Variants in PRKN observed in about 807,000 individuals in gnomAD.
The protein encoded by PRKN is parkin RBR E3 ubiquitin protein ligase.
A neutral mutation model predicts 59.5 loss-of-function variants in PRKN; 56 were observed. The observed-to-expected ratio is 0.94, with a 90% CI of 0.76 to 1.18. PRKN has a LOEUF of 1.18. Ranked by LOEUF, PRKN falls within the 50% of genes most tolerant of loss-of-function variation. PRKN has a pLI of 0.00. For synonymous variants in PRKN, 250 were observed against 222.1 expected, an observed-to-expected ratio of 1.13 and a Z score of -1.12; for missense variants, 657 against 596.4, an observed-to-expected ratio of 1.10 and a Z score of -1.06.
At chr6:161,516,511 AAAGAAGAAG>A (rs1024623750) in intron 9 of PRKN, among the ~76,000 whole-genome samples, 1 of 143,598 alleles carries the variant, frequency 7.0e-6, no homozygotes, top group Non-Finnish European at 1.5e-5. Context: ...AAGAAAGAAG[AAAGAAGAAG>A]AAGAAGAAGA....
rs9355937 is a variant in PRKN, at chr6:161,844,491, C to T, written c.735-58583G>A. On this transcript the variant is annotated intron_variant, in intron 6 of 11. Coordinates refer to ENST00000366898, the MANE Select transcript of PRKN (RefSeq NM_004562.3). ...GCTGGACGGTTGGACTTTCTGCTGT[C>T]GTGGCAATGTTCTGTATCTACTCTG... Among the ~76,000 whole-genome samples the T allele has an allele frequency of 1.8e-4, 27 of 152,130 alleles. 1 individual carries two copies. Among genetic ancestry groups the T allele is most frequent in the African/African-American group, 5.5e-4 (23 of 41,506 alleles).
intron 1 of PRKN, among the ~76,000 whole-genome samples, chr6:162,488,954 T>C (rs547769445): frequency 2.4e-4 from 37 of 152,250 alleles, no homozygotes; most frequent in African/African-American, 6.7e-4. Flanking sequence ...TCCTGAAGCC[T>C]GGGGTCTGGG....
At chr6:161,846,658 G>A (rs1406058672) in intron 6 of PRKN, among the ~76,000 whole-genome samples, 6 of 116,940 alleles carry the variant, frequency 5.1e-5, no homozygotes, top group Admixed American at 1.2e-4. Flanking sequence ...TGGTATCTGC[G>A]TGAGTGAAAA....
intron 1 of PRKN, among the ~76,000 whole-genome samples, chr6:162,529,789 A>C (rs1303659027): frequency 1.3e-5 from 2 of 152,190 alleles, no homozygotes; most frequent in Non-Finnish European, 2.9e-5. Flanking sequence ...GTTTATGGTC[A>C]AGGTTGTTTT....
At chr6:162,615,878 C>T (rs970872630) in intron 1 of PRKN, among the ~76,000 whole-genome samples, 2 of 152,226 alleles carry the variant, frequency 1.3e-5, no homozygotes, top group Non-Finnish European at 2.9e-5. Context: ...TTCAGAAGGA[C>T]TTACTGATCA....
At chr6:162,451,625 A>C (rs1310144118) in intron 1 of PRKN, among the ~76,000 whole-genome samples, 2 of 152,100 alleles carry the variant, frequency 1.3e-5, no homozygotes, top group African/African-American at 4.8e-5. Flanking sequence ...CTAAAACTAC[A>C]ATTGCCTGGA....
chr6:161,886,744 A>AACATAAC (rs1253753552), intron 6 of PRKN, among the ~76,000 whole-genome samples: 1 of 117,990 alleles, frequency 8.5e-6, no homozygotes, highest in Non-Finnish European at 1.8e-5. Context: ...AAAATAAAAT[A>AACATAAC]ATAAAATAAA....
intron 1 of PRKN, among the ~76,000 whole-genome samples, chr6:162,726,861 A>G (rs974681384): frequency 2.0e-5 from 3 of 152,202 alleles, no homozygotes; most frequent in Non-Finnish European, 4.4e-5. Context: ...ATTAATTTTC[A>G]GGGATAGCCC....
At chr6:161,773,529 A>G (rs1334373065) in intron 7 of PRKN, among the ~76,000 whole-genome samples, 2 of 137,472 alleles carry the variant, frequency 1.5e-5, no homozygotes, top group Admixed American at 1.4e-4. Context: ...CACACTACAC[A>G]AACACACACT....
chr6:162,197,025 A>G (rs961082080), intron 4 of PRKN, among the ~76,000 whole-genome samples: 8 of 152,192 alleles, frequency 5.3e-5, no homozygotes, highest in African/African-American at 1.7e-4. Flanking sequence ...TTTCCTCCTT[A>G]GGTATAAAAA....
At chr6:161,778,427 C>T (rs926440837) in intron 7 of PRKN, among the ~76,000 whole-genome samples, 1 of 152,088 alleles carries the variant, frequency 6.6e-6, no homozygotes, top group Non-Finnish European at 1.5e-5. Context: ...TGAAAGGAAC[C>T]GATGGCTTTA....
At chr6:162,519,207 G>A (rs1777987295) in intron 1 of PRKN, among the ~76,000 whole-genome samples, 1 of 152,140 alleles carries the variant, frequency 6.6e-6, no homozygotes, top group Admixed American at 6.6e-5. Flanking sequence ...GGCAATAAGG[G>A]AGGGTCAGTA....
chr6:162,024,869 A>T (rs1332201085), intron 5 of PRKN, among the ~76,000 whole-genome samples: 1 of 152,212 alleles, frequency 6.6e-6, no homozygotes. Context: ...TCTCAAAAAT[A>T]AGTCCAGTGT....
chr6:161,530,182 G>A lies in PRKN; in HGVS notation c.1083+18672C>T, dbSNP rs1294167111. ...TCACAGGTGTTCCTGGACAGCACAGGAAAGAGAACAAAGAGAACAAAAACT... is the reference window on the plus strand; with the variant it reads ...TCACAGGTGTTCCTGGACAGCACAGAAAAGAGAACAAAGAGAACAAAAACT... On this transcript the variant is annotated intron_variant, in intron 9 of 11. Coordinates refer to ENST00000366898, the MANE Select transcript of PRKN (RefSeq NM_004562.3). This position sits in a 1 kb window ranked among gnomAD's most constrained non-coding sequence, Gnocchi z 5.0. Among the ~76,000 whole-genome samples the A allele has an allele frequency of 6.6e-6, 1 of 152,156 alleles. No homozygotes were observed. Among genetic ancestry groups the A allele is most frequent in the Non-Finnish European group, 1.5e-5 (1 of 68,026 alleles).
chr6:161,748,172 G>A (rs905239048), intron 7 of PRKN, among the ~76,000 whole-genome samples: 1 of 152,120 alleles, frequency 6.6e-6, no homozygotes, highest in Non-Finnish European at 1.5e-5. Context: ...GTTTTTCTCA[G>A]CTTTGAGGAT....
chr6:162,247,415 T>C (rs537493704), intron 3 of PRKN, among the ~76,000 whole-genome samples: 23 of 152,234 alleles, frequency 1.5e-4, no homozygotes, highest in African/African-American at 4.8e-4. Flanking sequence ...ACACAGCAAG[T>C]TGTGGAAAAT....
At chr6:162,327,348 T>A (rs1783338637) in intron 2 of PRKN, among the ~76,000 whole-genome samples, 1 of 152,218 alleles carries the variant, frequency 6.6e-6, no homozygotes, top group African/African-American at 2.4e-5. Context: ...TTGTGTTTTA[T>A]TTTTTATTTT....
intron 4 of PRKN, among the ~76,000 whole-genome samples, chr6:162,063,204 C>T (rs1778176340): frequency 1.3e-5 from 2 of 152,114 alleles, no homozygotes; most frequent in Non-Finnish European, 2.9e-5. Context: ...ATTAGTAATA[C>T]ATATAATTGT....
chr6:161,619,444 T>G (rs558683229), intron 7 of PRKN, among the ~76,000 whole-genome samples: 3 of 152,060 alleles, frequency 2.0e-5, no homozygotes, highest in South Asian at 2.1e-4. Flanking sequence ...TGTTACACTA[T>G]AAACTTTTCA....
Sources: allele counts gnomAD v4.1 joint callset (sites outside exome capture counted in the v4.1 genomes callset), GRCh38; gene constraint gnomAD v4.1.1; non-coding constraint Gnocchi (gnomAD v3.1); transcripts MANE v1.5; gene names NCBI Gene and HGNC (gene_info 2026-07-23, HGNC 2026-07-21).